The following PINX1 variants were observed in gnomAD, a reference collection of about 807,000 sequenced individuals.
PINX1 encodes the protein PIN2/TERF1-interacting telomerase inhibitor 1.
A neutral mutation model predicts 25.4 loss-of-function variants in PINX1; 34 were observed. That is an observed-to-expected ratio of 1.34 (90% CI 1.02 to 1.78). PINX1 has a LOEUF of 1.78. Among genes scored for constraint, PINX1 ranks in the 40% most tolerant of loss-of-function variants. PINX1 has a pLI of 0.00. For synonymous variants in PINX1, 197 were observed against 147.7 expected (o/e 1.33, Z -2.42); for missense variants, 592 against 404.9 (o/e 1.46, Z -3.97).
chr8:10,826,772 A>C (rs897670405), intron 4 of PINX1, among the ~76,000 whole-genome samples: 3 of 152,198 alleles, frequency 2.0e-5, no homozygotes, highest in Admixed American at 6.5e-5. Flanking sequence ...GACTCCATCT[A>C]CAGAACATTC....
At chr8:10,793,040 C>T (rs577176566) in intron 6 of PINX1, among the ~76,000 whole-genome samples, 2 of 152,102 alleles carry the variant, frequency 1.3e-5, no homozygotes, top group African/African-American at 2.4e-5. Flanking sequence ...TGTTTCCCGG[C>T]GTGCCATTCT....
At chr8:10,796,379 A>C (rs897622763) in intron 6 of PINX1, among the ~76,000 whole-genome samples, 11 of 152,218 alleles carry the variant, frequency 7.2e-5, no homozygotes, top group African/African-American at 2.6e-4. Flanking sequence ...ACCCGCAAGA[A>C]TCCGATGAGT....
At chr8:10,803,057 A>C (rs1196486760) in intron 6 of PINX1, among the ~76,000 whole-genome samples, 1 of 152,226 alleles carries the variant, frequency 6.6e-6, no homozygotes, top group East Asian at 1.9e-4. Flanking sequence ...AATAAATATT[A>C]AAGAACATAT....
At chr8:10,766,882 G>C (rs933097192) in intron 6 of PINX1, among the ~76,000 whole-genome samples, 15 of 152,208 alleles carry the variant, frequency 9.9e-5, no homozygotes, top group African/African-American at 3.6e-4. Flanking sequence ...ATCGCCATTT[G>C]GGCTGAGGCT....
intron 6 of PINX1, among the ~76,000 whole-genome samples, chr8:10,776,891 T>C (rs902110790): frequency 5.3e-5 from 8 of 152,172 alleles, no homozygotes; most frequent in African/African-American, 1.9e-4. Flanking sequence ...CCTGTTTTCA[T>C]GATGTCACAG....
intron 6 of PINX1, among the ~76,000 whole-genome samples, chr8:10,788,894 G>T (rs770009031): frequency 2.0e-5 from 3 of 149,350 alleles, no homozygotes; most frequent in Non-Finnish European, 4.4e-5. Context: ...GTTTTTCCCT[G>T]AAAGAGTCAC....
chr8:10,822,858 AAAAAAC>A (rs1481606045), intron 5 of PINX1, among the ~76,000 whole-genome samples: 4 of 152,266 alleles, frequency 2.6e-5, no homozygotes, highest in African/African-American at 7.2e-5. Context: ...TGCTAAAATA[AAAAAAC>A]ACTTAAGGTT....
chr8:10,836,947 A>C (rs181721302), intron 1 of PINX1, among the ~76,000 whole-genome samples: 1 of 58,968 alleles, frequency 1.7e-5, no homozygotes, highest in Non-Finnish European at 3.2e-5. Context: ...GAGCTGTTCC[A>C]ATTGGATCAC....
rs564512330 is a variant in PINX1, at chr8:10,820,252, G to A, written c.412C>T (p.Arg138Trp). The A allele has an allele frequency of 4.3e-6, 7 of 1,611,094 alleles. No homozygotes were observed. The highest frequency in any genetic ancestry group is 5.1e-6 in the Non-Finnish European group (6 of 1,177,500). Reference sequence around the variant, plus strand: ...ATGCAGTCAAGATCTGTTTTGCTCCGAGATGACAGATCCTTCCCTAGAAAA... The same window carrying A: ...ATGCAGTCAAGATCTGTTTTGCTCCAAGATGACAGATCCTTCCCTAGAAAA... ...KFTKGKDLSS[R>W]SKTDLDCIFG... Residue 138 changes from arginine to tryptophan, a missense_variant, in exon 6 of 7, where the codon CGG becomes TGG. Coordinates refer to ENST00000314787, the MANE Select transcript of PINX1 (RefSeq NM_017884.6).
chr8:10,780,408 G>A (rs965956685), intron 6 of PINX1, among the ~76,000 whole-genome samples: 1 of 152,060 alleles, frequency 6.6e-6, no homozygotes, highest in Non-Finnish European at 1.5e-5. Flanking sequence ...CTAAATTGTT[G>A]AGAGTTTTTA....
chr8:10,807,046 T>A (rs1422495603), intron 6 of PINX1, among the ~76,000 whole-genome samples: 1 of 152,134 alleles, frequency 6.6e-6, no homozygotes, highest in Admixed American at 6.5e-5. Flanking sequence ...ATCATCGGAC[T>A]ATGTGGGGGA....
chr8:10,807,168 C>A (rs1297040540), intron 6 of PINX1, among the ~76,000 whole-genome samples: 2 of 151,854 alleles, frequency 1.3e-5, no homozygotes, highest in African/African-American at 4.8e-5. Context: ...CTCCAGAGGC[C>A]AAGGAACATA....
chr8:10,789,056 C>A (rs1014398273), intron 6 of PINX1, among the ~76,000 whole-genome samples: 1 of 152,198 alleles, frequency 6.6e-6, no homozygotes, highest in Non-Finnish European at 1.5e-5. Context: ...AGCCCAGTAC[C>A]GGCTTCCTGC....
At chr8:10,830,956 A>C (rs374383776) in intron 4 of PINX1, among the ~76,000 whole-genome samples, 1 of 152,216 alleles carries the variant, frequency 6.6e-6, no homozygotes, top group Non-Finnish European at 1.5e-5. Flanking sequence ...GCATTACCCA[A>C]AGGAAAGGAA....
At position 10,827,450 on chromosome 8, in the gene PINX1, C is replaced by T. The variant is rs1798087337; in HGVS notation, c.302-1206G>A. On this transcript the variant is annotated intron_variant, in intron 4 of 6. Coordinates refer to ENST00000314787, the MANE Select transcript of PINX1 (RefSeq NM_017884.6). Reference sequence around the variant, plus strand: ...GAAAGGTTGATCAGAGCAGGTTGATCTGGGGTTAGAGTCAATTATAAATTA... The same window carrying T: ...GAAAGGTTGATCAGAGCAGGTTGATTTGGGGTTAGAGTCAATTATAAATTA... Among the ~76,000 whole-genome samples, 6 of 152,060 alleles carry T rather than the reference C, an allele frequency of 3.9e-5. No individual in the cohort carries two copies. The South Asian group carries it at 1.2e-3, about 32-fold the overall frequency.
intron 6 of PINX1, among the ~76,000 whole-genome samples, chr8:10,808,253 T>A (rs1802518190): frequency 6.6e-6 from 1 of 152,182 alleles, no homozygotes; most frequent in South Asian, 2.1e-4. Flanking sequence ...ATTTTAAAAA[T>A]TATGACATGG....
intron 5 of PINX1, among the ~76,000 whole-genome samples, chr8:10,822,875 T>C (rs552159354): frequency 6.6e-5 from 10 of 152,234 alleles, no homozygotes; most frequent in African/African-American, 1.9e-4. Context: ...ACTTAAGGTT[T>C]ATGTAGGTAG....
intron 6 of PINX1, among the ~76,000 whole-genome samples, chr8:10,766,937 C>A (rs894085181): frequency 6.6e-6 from 1 of 152,068 alleles, no homozygotes; most frequent in Admixed American, 6.6e-5. Context: ...GAAGTGCTTT[C>A]GGGTTGAAGA....
intron 6 of PINX1, among the ~76,000 whole-genome samples, chr8:10,802,170 C>T (rs1468371030): frequency 6.6e-6 from 1 of 152,102 alleles, no homozygotes; most frequent in Non-Finnish European, 1.5e-5. Context: ...CAAGAACTTC[C>T]TTGGAATAAG....
Sources: allele counts gnomAD v4.1 joint callset (sites outside exome capture counted in the v4.1 genomes callset), GRCh38; gene constraint gnomAD v4.1.1; transcripts MANE v1.5; gene names NCBI Gene and HGNC (gene_info 2026-07-23, HGNC 2026-07-21).